MACF1: variants seen among roughly 807,000 people sequenced by gnomAD.
The protein encoded by MACF1 is microtubule actin crosslinking factor 1, also known as microtubule-actin cross-linking factor 1.
A neutral mutation model predicts 854.8 loss-of-function variants in MACF1; 193 were observed. The ratio of observed to expected loss-of-function variants is 0.23; its 90% CI spans 0.20 to 0.25. The LOEUF is 0.25. Ranked by LOEUF, MACF1 falls within the 10% of genes least tolerant of loss-of-function variation. The pLI is 1.00. For missense variants in MACF1, 7,722 were observed against 8,929.1 expected (o/e 0.86, Z 5.45); for synonymous variants, 3,185 against 3,226.7 (o/e 0.99, Z 0.44).
At position 39,480,480 on chromosome 1, in the gene MACF1, T is replaced by G. The variant is rs992403503; in HGVS notation, c.22171-440T>G. 1.3e-4 allele frequency among the ~76,000 whole-genome samples: 20 copies of G among 152,224 alleles called. No individual in the cohort carries two copies. In the East Asian group the frequency reaches 3.3e-3, roughly 25 times the overall value. On this transcript the variant is annotated intron_variant, in intron 98 of 100. Coordinates refer to ENST00000564288, the MANE Select transcript of MACF1 (RefSeq NM_001394062.1). ...AATTTATCATCTCTAATTTTTAAAT[T>G]TAGCCTAGCATGGTGGTGAGCACCT...
chr1:39,430,518 A>C (rs1643862388), intron 65 of MACF1, among the ~76,000 whole-genome samples, 184 bp from the exon 66 acceptor site: 1 of 152,198 alleles, frequency 6.6e-6, no homozygotes, highest in Non-Finnish European at 1.5e-5. Context: ...CTAAGCAAGC[A>C]ACAATGAAGT....
intron 33 of MACF1, among the ~76,000 whole-genome samples, chr1:39,323,264 C>G (rs1646545870): frequency 1.3e-5 from 2 of 152,032 alleles, no homozygotes; most frequent in African/African-American, 4.8e-5. Context: ...ATCACTTGGG[C>G]CTGGGAAGTT....
At chr1:39,161,524 G>A (rs1368382292) in intron 2 of MACF1, among the ~76,000 whole-genome samples, 2 of 151,924 alleles carry the variant, frequency 1.3e-5, no homozygotes, top group Admixed American at 1.3e-4. Context: ...GGCAACAGTA[G>A]CAAAACCCTG....
intron 89 of MACF1, chr1:39,457,016 C>G (rs997663726): frequency 2.6e-5 from 4 of 152,436 alleles, no homozygotes; most frequent in African/African-American, 7.2e-5. Context: ...CTCTTCCCTG[C>G]CTATTCATCA....
chr1:39,254,314 G>A lies in MACF1; in HGVS notation c.374G>A (p.Arg125Lys), dbSNP rs1306553318. 6 of 1,614,040 alleles carry A rather than the reference G, an allele frequency of 3.7e-6. No individual in the cohort carries two copies. The highest frequency in any genetic ancestry group is 1.7e-6 in the Non-Finnish European group (2 of 1,180,014). The change falls in exon 5 of 101, where the codon AGG (arginine) becomes AAG (lysine). Residue 125 changes from arginine to lysine, a missense_variant. This residue lies in a region of MACF1 where 108 missense variants were observed against 196.4 expected (regional missense o/e 0.55). Transcript: ENST00000564288. ...TGTTTGCAGCCCCGGGAGAAGGGCA[G>A]GATGCGTTTTCATAGGCTGCAGAAT... ...DDDDVPREKG[R>K]MRFHRLQNVQ... is the part of the protein sequence containing the mutation.
At chr1:39,407,322 A>G (rs1642751819) in intron 58 of MACF1, among the ~76,000 whole-genome samples, 1 of 152,210 alleles carries the variant, frequency 6.6e-6, no homozygotes. Context: ...TACATCTCCT[A>G]GAACTTTCTC....
At chr1:39,323,203 A>G (rs1003800573) in intron 33 of MACF1, among the ~76,000 whole-genome samples, 195 bp downstream of exon 33, 1 of 152,086 alleles carries the variant, frequency 6.6e-6, no homozygotes, top group Non-Finnish European at 1.5e-5. Flanking sequence ...TTAGCTGGGC[A>G]TGGTGGCACA....
chr1:39,211,793 A>G (rs1644520257), intron 1 of MACF1, among the ~76,000 whole-genome samples: 1 of 152,056 alleles, frequency 6.6e-6, no homozygotes. Flanking sequence ...AGGCAGGAGA[A>G]TCGCTTGAAC....
intron 2 of MACF1, among the ~76,000 whole-genome samples, chr1:39,188,392 A>T (rs1020187317): frequency 2.0e-5 from 3 of 152,184 alleles, no homozygotes; most frequent in Non-Finnish European, 2.9e-5. Flanking sequence ...TGGGCAACAG[A>T]GTGAGACCCT....
intron 42 of MACF1, among the ~76,000 whole-genome samples, chr1:39,350,210 C>T (rs978816804): frequency 2.0e-5 from 3 of 152,024 alleles, no homozygotes; most frequent in African/African-American, 7.3e-5. Flanking sequence ...GATATGTAGG[C>T]GTTAATGCAT....
At chr1:39,364,956 T>C (rs1210231410) in intron 49 of MACF1, among the ~76,000 whole-genome samples, 1 of 152,250 alleles carries the variant, frequency 6.6e-6, no homozygotes, top group Non-Finnish European at 1.5e-5. Flanking sequence ...TTTGAATCTT[T>C]TAACAATTTA....
In MACF1 at chr1:39,336,182, A is replaced by C; in HGVS notation, c.9594A>C (p.Glu3198Asp). 6.2e-7 allele frequency: 1 copy of C among 1,614,202 alleles called. No individual in the cohort carries two copies. Among genetic ancestry groups the C allele is most frequent in the Non-Finnish European group, 8.5e-7 (1 of 1,180,020 alleles). The change falls in exon 37 of 101, where the codon GAA becomes GAC. Residue 3198 changes from glutamate (E) to aspartate (D), a missense_variant. By Grantham distance (45) the Glu-to-Asp change is conservative (BLOSUM62 2). Coordinates refer to ENST00000564288, the MANE Select transcript of MACF1 (RefSeq NM_001394062.1). ...EITVSRPDSK[E>D]VRYLEFSDRK... ...CAGTTTCTAGACCAGATTCAAAAGA[A>C]GTCAGGTATCTAGAATTCTCAGACA...
At chr1:39,234,553 C>G in intron 2 of MACF1, among the ~76,000 whole-genome samples, 1 of 110,140 alleles carries the variant, frequency 9.1e-6, no homozygotes, top group African/African-American at 3.3e-5. Context: ...GGGCTGACCC[C>G]CCCACCTCCC....
At chr1:39,100,735 TC>T (rs1642048589) in intron 2 of MACF1, among the ~76,000 whole-genome samples, 1 of 151,682 alleles carries the variant, frequency 6.6e-6, no homozygotes, top group Non-Finnish European at 1.5e-5. Flanking sequence ...GCGCCTGTAA[TC>T]CCAGCTACTC....
rs549478949 is a variant in MACF1 at position 39,205,275 on chromosome 1, T to C, written c.109+144T>C. On this transcript the variant is annotated intron_variant, in intron 1 of 100. Transcript: ENST00000564288. Reference sequence around the variant, plus strand: ...GTGCTGTCAGACTTAAGAGTGTGTGTGTGTGAGTATAATGAAGAAGCTGGT... The same window carrying C: ...GTGCTGTCAGACTTAAGAGTGTGTGCGTGTGAGTATAATGAAGAAGCTGGT... 6.2e-5 allele frequency: 39 copies of C among 625,062 alleles called. No homozygotes were observed. The African/African-American group carries it at 7.0e-4, about 11-fold the overall frequency. The allele number at this position is 625,062 out of a possible 1,614,324, so 38.7% of individuals were successfully genotyped here.
chr1:39,352,916 T>G (rs549394989), intron 43 of MACF1, 91 bp from the exon 44 acceptor site: 1 of 764,276 alleles, frequency 1.3e-6, no homozygotes, highest in South Asian at 1.8e-5. Flanking sequence ...TAGCATAAAA[T>G]TATCTCCTCC....
Position 39,175,604 on chromosome 1 carries a change from T to A in MACF1, c.221-55578T>A, listed in dbSNP as rs78670724. On this transcript the variant is annotated intron_variant, in intron 2 of 93. Transcript: ENST00000361689. ...ATAGTTAAATGCAAGTATGTTGTGA[T>A]TGTATTTTATCCTTCTTTTCTGCTT... is the stretch of plus-strand genomic sequence containing the variant. Among the ~76,000 whole-genome samples, 20 of 152,328 alleles carry A rather than the reference T, an allele frequency of 1.3e-4. No homozygotes were observed. The East Asian group carries it at 3.9e-3, about 29-fold the overall frequency.
At position 39,085,742 on chromosome 1, in the gene MACF1, T is replaced by C. The variant is rs561375591; in HGVS notation, c.220+1304T>C. Among the ~76,000 whole-genome samples the C allele has an allele frequency of 1.4e-4, 22 of 152,290 alleles. 2 individuals carry two copies. In the South Asian group the frequency reaches 3.5e-3, roughly 24 times the overall value. Reference sequence around the variant, plus strand: ...TTAAAAACCACCTTTGGCCCCTCATTGCCTGTGGAATCAAGGCTTCAGCAT... The same window carrying C: ...TTAAAAACCACCTTTGGCCCCTCATCGCCTGTGGAATCAAGGCTTCAGCAT... On this transcript the variant is annotated intron_variant, in intron 2 of 93. Transcript: ENST00000361689.
intron 2 of MACF1, among the ~76,000 whole-genome samples, chr1:39,172,080 T>C (rs1643958390): frequency 6.6e-6 from 1 of 152,272 alleles, no homozygotes; most frequent in Non-Finnish European, 1.5e-5. Flanking sequence ...CAGGGGACTC[T>C]GAATGTTGCA....
Sources: gnomAD v4.1 joint callset for allele counts (sites outside exome capture counted in the v4.1 genomes callset) on GRCh38, gnomAD v4.1.1 for gene constraint, gnomAD v4.1.1 regional missense constraint, MANE v1.5 for transcripts, NCBI Gene and HGNC (gene_info 2026-07-23, HGNC 2026-07-21) for gene names.